ADGRA3: variants seen among roughly 807,000 people sequenced by gnomAD.
ADGRA3 encodes adhesion G protein-coupled receptor A3.
A neutral mutation model predicts 119.8 loss-of-function variants in ADGRA3; 56 were observed. The observed-to-expected ratio is 0.47, with a 90% CI of 0.38 to 0.58. The LOEUF is 0.58. ADGRA3 is among the 20% of genes least tolerant of loss of function. The pLI, the probability that ADGRA3 is intolerant of heterozygous loss-of-function variation, is 0.00. For missense variants in ADGRA3, 1,516 were observed against 1,649.0 expected (o/e 0.92, Z 1.40); for synonymous variants, 607 against 623.8 (o/e 0.97, Z 0.40).
intron 5 of ADGRA3, among the ~76,000 whole-genome samples, chr4:22,447,056 G>A (rs2109080149): frequency 6.6e-6 from 1 of 151,630 alleles, no homozygotes; most frequent in South Asian, 2.1e-4. Context: ...GGGTTTACAG[G>A]ATAAAATTAA....
chr4:22,515,846 C>T lies in ADGRA3; in HGVS notation c.-62G>A, dbSNP rs1298967376. On this transcript the variant is annotated 5_prime_UTR_variant, in exon 1 of 19. Coordinates refer to ENST00000334304, the MANE Select transcript of ADGRA3 (RefSeq NM_145290.4). Reference sequence around the variant, plus strand: ...ACTGGCCTAGCGGGCCGCCCCGGAGCCCGGGCGGGCAGGAGCGCGGCGCGG... The same window carrying T: ...ACTGGCCTAGCGGGCCGCCCCGGAGTCCGGGCGGGCAGGAGCGCGGCGCGG... The T allele has an allele frequency of 8.2e-6, 8 of 978,326 alleles. No homozygotes were observed. Among genetic ancestry groups the T allele is most frequent in the Non-Finnish European group, 8.5e-6 (7 of 825,384 alleles). 60.6% of individuals were successfully genotyped at this position (978,326 alleles called of 1,614,324 possible). A position where few individuals can be genotyped will look rare whatever the true frequency, so the allele number is the denominator to read the frequency against.
At chr4:22,450,853 G>A (rs1242910992) in intron 4 of ADGRA3, among the ~76,000 whole-genome samples, 2 of 150,254 alleles carry the variant, frequency 1.3e-5, no homozygotes, top group African/African-American at 4.9e-5. Flanking sequence ...TAATATGTTG[G>A]TAAATTATTT....
intron 1 of ADGRA3, among the ~76,000 whole-genome samples, chr4:22,508,620 TC>T (rs1318046256): frequency 6.6e-6 from 1 of 152,142 alleles, no homozygotes; most frequent in Non-Finnish European, 1.5e-5. Flanking sequence ...GGCTGTGGCG[TC>T]TTGCTGGCCT....
rs1242662818 is a variant in ADGRA3, at chr4:22,425,088, AAGGC to A, written c.1444-740_1444-737del. Among the ~76,000 whole-genome samples, 6 of 151,718 alleles carry A rather than the reference AAGGC, an allele frequency of 4.0e-5. No individual in the cohort carries two copies. In the South Asian group the frequency reaches 8.3e-4, roughly 21 times the overall value. Reference sequence around the variant, plus strand: ...AGACACTCTTAAAAAAAAAAAAAAAAAGGCAGGCAGGCAGGCATACTACCCACCT... The same window carrying A: ...AGACACTCTTAAAAAAAAAAAAAAAAAGGCAGGCAGGCATACTACCCACCT... On this transcript the variant is annotated intron_variant, in intron 10 of 18. Coordinates refer to ENST00000334304, the MANE Select transcript of ADGRA3 (RefSeq NM_145290.4).
At chr4:22,467,063 A>G (rs1717684749) in intron 2 of ADGRA3, among the ~76,000 whole-genome samples, 1 of 152,242 alleles carries the variant, frequency 6.6e-6, no homozygotes, top group Non-Finnish European at 1.5e-5. Context: ...CCATTTCTCC[A>G]TAAAAGTAGA....
chr4:22,494,994 G>C lies in ADGRA3; in HGVS notation c.257+20534C>G, dbSNP rs555540944. Among the ~76,000 whole-genome samples, 2 of 152,036 alleles carry C rather than the reference G, an allele frequency of 1.3e-5. 1 individual carries two copies. The highest frequency in any genetic ancestry group is 4.8e-5 in the African/African-American group (2 of 41,356). On this transcript the variant is annotated intron_variant, in intron 1 of 18. Transcript: ENST00000334304. ...AAGTTTAACGTATAAATCAGGTACAGTAGGAGATTAAAAACAATAACTAAA... is the reference window on the plus strand; with the variant it reads ...AAGTTTAACGTATAAATCAGGTACACTAGGAGATTAAAAACAATAACTAAA...
rs183155317 is a variant in ADGRA3 at position 22,422,285 on chromosome 4, C to T, written c.1606-1196G>A. Among the ~76,000 whole-genome samples the T allele has an allele frequency of 4.6e-5, 7 of 152,164 alleles. No homozygotes were observed. In the East Asian group the frequency reaches 1.2e-3, roughly 25 times the overall value. On this transcript the variant is annotated intron_variant, in intron 11 of 18. Transcript: ENST00000334304. Reference sequence around the variant, plus strand: ...AAGTATGAAATTTTGATGCACGATGCTTACAATCTATTAGGAAATAAGATA... The same window carrying T: ...AAGTATGAAATTTTGATGCACGATGTTTACAATCTATTAGGAAATAAGATA...
chr4:22,466,260 G>A (rs1717653626), intron 2 of ADGRA3, among the ~76,000 whole-genome samples: 1 of 152,054 alleles, frequency 6.6e-6, no homozygotes, highest in Admixed American at 6.6e-5. Flanking sequence ...ATTTATACCA[G>A]TCATACTGCA....
At chr4:22,396,452 T>A (rs1714359088) in intron 16 of ADGRA3, among the ~76,000 whole-genome samples, 1 of 152,146 alleles carries the variant, frequency 6.6e-6, no homozygotes, top group Non-Finnish European at 1.5e-5. Context: ...ACCTTAACAA[T>A]CATTTAACTT....
intron 16 of ADGRA3, among the ~76,000 whole-genome samples, chr4:22,395,782 T>A (rs1444544292): frequency 1.3e-5 from 2 of 152,158 alleles, no homozygotes; most frequent in Admixed American, 1.3e-4. Flanking sequence ...GTTTATATAG[T>A]TATAAAATAC....
intron 1 of ADGRA3, among the ~76,000 whole-genome samples, chr4:22,490,556 C>G (rs1178091161): frequency 1.3e-5 from 2 of 151,916 alleles, no homozygotes; most frequent in Non-Finnish European, 2.9e-5. Context: ...GGAGTGAGAG[C>G]AGAAATACAA....
At chr4:22,418,976 G>C (rs2109031648) in intron 12 of ADGRA3, among the ~76,000 whole-genome samples, 1 of 152,288 alleles carries the variant, frequency 6.6e-6, no homozygotes, top group African/African-American at 2.4e-5. Context: ...AGTGATACAT[G>C]TTAGCTGAAG....
In ADGRA3 at chr4:22,459,255, G is replaced by A. The variant is rs1370662989; in HGVS notation, c.401+2482C>T. ...ATACTGCACGTTCTCACTTCTAAGC[G>A]GGAGGTAAATGATGAGAACACATGG... On this transcript the variant is annotated intron_variant, in intron 3 of 18. Transcript: ENST00000334304. 3.9e-5 allele frequency among the ~76,000 whole-genome samples: 6 copies of A among 152,064 alleles called. No homozygotes were observed. The South Asian group carries it at 6.2e-4, about 16-fold the overall frequency.
chr4:22,427,141 T>C (rs1577341657), intron 10 of ADGRA3, among the ~76,000 whole-genome samples: 1 of 152,322 alleles, frequency 6.6e-6, no homozygotes, highest in Non-Finnish European at 1.5e-5. Flanking sequence ...GATAACATGG[T>C]GAAATATGCT....
At chr4:22,502,760 A>G (rs1013379989) in intron 1 of ADGRA3, among the ~76,000 whole-genome samples, 9 of 152,118 alleles carry the variant, frequency 5.9e-5, no homozygotes, top group African/African-American at 1.9e-4. Context: ...ACTTTTTACT[A>G]TCAGATGAAG....
intron 1 of ADGRA3, among the ~76,000 whole-genome samples, chr4:22,512,791 A>C (rs1719492931): frequency 6.6e-6 from 1 of 152,170 alleles, no homozygotes; most frequent in Non-Finnish European, 1.5e-5. Context: ...CTCCAGAACT[A>C]TGAGCGAATA....
In ADGRA3 at chr4:22,390,408, CGT is replaced by C. The variant is rs1560292364; in HGVS notation, c.2628-1227_2628-1226del. Among the ~76,000 whole-genome samples the C allele has an allele frequency of 1.3e-4, 11 of 87,482 alleles. 1 individual carries two copies. The highest frequency in any genetic ancestry group is 1.7e-4 in the African/African-American group (3 of 17,742). 57.4% of individuals were successfully genotyped at this position (87,482 alleles called of 152,430 possible). ...ACGTATTATATATATATATAAAATA[CGT>C]ATTATATATATATAATACGTATTAT... is the stretch of plus-strand genomic sequence containing the variant. On this transcript the variant is annotated intron_variant, in intron 17 of 18. Coordinates refer to ENST00000334304, the MANE Select transcript of ADGRA3 (RefSeq NM_145290.4).
intron 12 of ADGRA3, among the ~76,000 whole-genome samples, chr4:22,416,967 T>C (rs1431157846): frequency 6.6e-6 from 1 of 152,164 alleles, no homozygotes; most frequent in Admixed American, 6.5e-5. Context: ...TTTTCAGAAA[T>C]CTTTATGGGT....
chr4:22,420,870 G>A lies in ADGRA3; in HGVS notation c.1809+16C>T, dbSNP rs372006433. 1.9e-6 allele frequency: 3 copies of A among 1,604,074 alleles called. No individual in the cohort carries two copies. The African/African-American group carries it at 4.0e-5, about 21-fold the overall frequency. On this transcript the variant is annotated intron_variant, in intron 12 of 18. Transcript: ENST00000334304. The stretch of plus-strand genomic sequence containing the variant: ...TAACTGTAAATAGTCTTAAATGATT[G>A]CAGAATGTAACATACCTTTAGTGCC...
Sources: allele counts gnomAD v4.1 joint callset (sites outside exome capture counted in the v4.1 genomes callset), GRCh38; gene constraint gnomAD v4.1.1; transcripts MANE v1.5; gene names NCBI Gene and HGNC (gene_info 2026-07-23, HGNC 2026-07-21).